The following CTNNA3 variants were observed in gnomAD, a reference collection of about 807,000 sequenced individuals.
CTNNA3 encodes the protein catenin alpha 3, also known as catenin alpha-3.
A neutral mutation model predicts 95.7 loss-of-function variants in CTNNA3; 76 were observed. The ratio of observed to expected loss-of-function variants is 0.79; its 90% confidence interval spans 0.66 to 0.96. CTNNA3 has a LOEUF of 0.96. Among genes scored for constraint, CTNNA3 ranks in the 40% least tolerant of loss-of-function variants. The pLI is 0.00. For missense variants in CTNNA3, 1,191 were observed against 1,089.8 expected (o/e 1.09, Z -1.31); for synonymous variants, 431 against 374.4 (o/e 1.15, Z -1.74).
chr10:67,173,879 A>G (rs940404292), intron 7 of CTNNA3, among the ~76,000 whole-genome samples: 1 of 152,224 alleles, frequency 6.6e-6, no homozygotes, highest in Middle Eastern at 3.2e-3. Context: ...AACAATCCAC[A>G]AAGTGAATGA....
intron 13 of CTNNA3, among the ~76,000 whole-genome samples, chr10:66,250,579 A>G (rs1041958704): frequency 2.0e-5 from 3 of 152,164 alleles, no homozygotes; most frequent in Non-Finnish European, 2.9e-5. Context: ...ATTAAAAATA[A>G]TAATTTTTTT....
At chr10:66,708,388 C>T (rs1848186849) in intron 9 of CTNNA3, among the ~76,000 whole-genome samples, 1 of 152,038 alleles carries the variant, frequency 6.6e-6, no homozygotes, top group African/African-American at 2.4e-5. Flanking sequence ...GCTCTGTCTT[C>T]GCATGGCCTT....
In CTNNA3 at chr10:66,331,338, G is replaced by GCTTGCTTTTTTTTTTTTTTTT. The variant is rs1417713676; in HGVS notation, c.1732+47813_1732+47814insAAAAAAAAAAAAAAAAGCAAG. On this transcript the variant is annotated intron_variant, in intron 12 of 17. Transcript: ENST00000433211. ...TTAAATATGGACTCCTTTCCCCATT[G>GCTTGCTTTTTTTTTTTTTTTT]TTTGTTTTTTTTTTTTTTTTTTTTT... Among the ~76,000 whole-genome samples, 92 of 39,102 alleles carry GCTTGCTTTTTTTTTTTTTTTT rather than the reference G, an allele frequency of 2.4e-3. 17 individuals are homozygous for GCTTGCTTTTTTTTTTTTTTTT. Among genetic ancestry groups the GCTTGCTTTTTTTTTTTTTTTT allele is most frequent in the Middle Eastern group, 0.014 (1 of 70 alleles). The allele number at this position is 39,102 out of a possible 152,430, so 25.7% of individuals were successfully genotyped here. A position where few individuals can be genotyped will look rare whatever the true frequency, so the allele number is the denominator to read the frequency against.
intron 13 of CTNNA3, among the ~76,000 whole-genome samples, chr10:66,162,478 T>C (rs1272264269): frequency 2.0e-5 from 3 of 152,118 alleles, no homozygotes; most frequent in Non-Finnish European, 4.4e-5. Flanking sequence ...TTGTCTCCCT[T>C]CTGGGTCTAG....
chr10:66,504,388 T>C (rs1413834837), intron 11 of CTNNA3, among the ~76,000 whole-genome samples: 1 of 152,314 alleles, frequency 6.6e-6, no homozygotes, highest in African/African-American at 2.4e-5. Flanking sequence ...TTCCCCAGGA[T>C]GCTTTCTAAG....
chr10:65,988,584 G>GA (rs1210086647), intron 16 of CTNNA3, 108 bp downstream of exon 16: 5 of 740,432 alleles, frequency 6.8e-6, no homozygotes, highest in African/African-American at 1.8e-5. Context: ...TTATAATTTA[G>GA]AAAAAATGGT....
intron 11 of CTNNA3, among the ~76,000 whole-genome samples, chr10:66,469,504 T>C (rs1223445498): frequency 6.6e-6 from 1 of 151,610 alleles, no homozygotes; most frequent in African/African-American, 2.4e-5. Context: ...GTTTGCAAAC[T>C]ATGTTAAATG....
At chr10:67,702,414 A>G (rs1403911846) in intron 1 of CTNNA3, among the ~76,000 whole-genome samples, 1 of 152,254 alleles carries the variant, frequency 6.6e-6, no homozygotes, top group Admixed American at 6.5e-5. Context: ...ATCAGACATT[A>G]TAACAAACTG....
chr10:67,231,813 T>A (rs1304683516), intron 5 of CTNNA3, among the ~76,000 whole-genome samples: 2 of 152,008 alleles, frequency 1.3e-5, no homozygotes, highest in Non-Finnish European at 2.9e-5. Context: ...GAGAAGTGCT[T>A]AAAGGAGTTG....
At chr10:66,406,584 T>C (rs1306369669) in intron 11 of CTNNA3, among the ~76,000 whole-genome samples, 2 of 152,200 alleles carry the variant, frequency 1.3e-5, no homozygotes, top group Admixed American at 1.3e-4. Flanking sequence ...GAATTCTTCA[T>C]ATATTATTAG....
intron 1 of CTNNA3, among the ~76,000 whole-genome samples, chr10:67,682,150 C>T (rs1460728628): frequency 6.7e-6 from 1 of 149,992 alleles, no homozygotes; most frequent in Non-Finnish European, 1.5e-5. Context: ...AAGAGCAAAA[C>T]CCCGTCTCAA....
At position 66,765,874 on chromosome 10, in the gene CTNNA3, T is replaced by A. The variant is rs780867543; in HGVS notation, c.1281+390A>T. On this transcript the variant is annotated intron_variant, in intron 9 of 17. Coordinates refer to ENST00000433211, the MANE Select transcript of CTNNA3 (RefSeq NM_013266.4). Reference sequence around the variant, plus strand: ...TTCCTATATTCTTGTTCTGTAGTCATGCTACATAGTTAAATATGACTTGAA... The same window carrying A: ...TTCCTATATTCTTGTTCTGTAGTCAAGCTACATAGTTAAATATGACTTGAA... Among the ~76,000 whole-genome samples the A allele has an allele frequency of 1.8e-4, 28 of 152,180 alleles. 1 individual carries two copies. Among genetic ancestry groups the A allele is most frequent in the Non-Finnish European group, 3.7e-4 (25 of 68,020 alleles).
chr10:66,466,695 A>G (rs1838931019), intron 11 of CTNNA3, among the ~76,000 whole-genome samples: 1 of 152,016 alleles, frequency 6.6e-6, no homozygotes. Context: ...TCCTCACAAC[A>G]CAAGTGGGAT....
At chr10:66,999,336 G>A (rs1451726442) in intron 7 of CTNNA3, among the ~76,000 whole-genome samples, 1 of 152,004 alleles carries the variant, frequency 6.6e-6, no homozygotes, top group Non-Finnish European at 1.5e-5. Flanking sequence ...ATTATCATGG[G>A]CCTTCTGCCT....
intron 15 of CTNNA3, among the ~76,000 whole-genome samples, chr10:66,012,436 G>C (rs1465426189): frequency 6.6e-6 from 1 of 152,012 alleles, no homozygotes; most frequent in East Asian, 1.9e-4. Context: ...AGTCCAGTTG[G>C]GGTTTTAAAA....
intron 5 of CTNNA3, among the ~76,000 whole-genome samples, chr10:67,483,010 G>A (rs1282945085): frequency 2.0e-5 from 3 of 152,070 alleles, no homozygotes; most frequent in South Asian, 2.1e-4. Context: ...AAAAACACAC[G>A]AAAAAATGCT....
intron 9 of CTNNA3, among the ~76,000 whole-genome samples, chr10:66,629,535 C>G (rs188885561): frequency 6.6e-6 from 1 of 151,996 alleles, no homozygotes; most frequent in Admixed American, 6.6e-5. Context: ...ATTCTTGTTT[C>G]CAGTTTTAGC....
Position 66,928,548 on chromosome 10 carries a change from C to G in CTNNA3, c.1048-153024G>C, listed in dbSNP as rs967047461. 1.6e-5 allele frequency: 18 copies of G among 1,105,622 alleles called. 1 individual carries two copies. The highest frequency in any genetic ancestry group is 2.2e-5 in the Non-Finnish European group (17 of 787,916). 68.5% of individuals were successfully genotyped at this position (1,105,622 alleles called of 1,614,324 possible). The stretch of plus-strand genomic sequence containing the variant: ...ACTATCAAGGGAACGCGATGCCCCC[C>G]CTCCCCTTCCCTCTCCCTCTCACTT... On this transcript the variant is annotated intron_variant, in intron 7 of 17. Coordinates refer to ENST00000433211, the MANE Select transcript of CTNNA3 (RefSeq NM_013266.4).
At chr10:66,127,122 A>G (rs1181187697) in intron 13 of CTNNA3, among the ~76,000 whole-genome samples, 1 of 152,008 alleles carries the variant, frequency 6.6e-6, no homozygotes, top group Non-Finnish European at 1.5e-5. Context: ...ATACAAAAAA[A>G]TTAGCCAGGC....
Sources: allele counts gnomAD v4.1 joint callset (sites outside exome capture counted in the v4.1 genomes callset), GRCh38; gene constraint gnomAD v4.1.1; transcripts MANE v1.5; gene names NCBI Gene and HGNC (gene_info 2026-07-23, HGNC 2026-07-21).